WDR7: variants seen among roughly 807,000 people sequenced by gnomAD.
The protein encoded by WDR7 is WD repeat domain 7, also known as WD repeat-containing protein 7.
Under a neutral mutation model 169.4 loss-of-function variants are expected in WDR7, and 46 were observed. The ratio of observed to expected loss-of-function variants is 0.27; its 90% CI spans 0.21 to 0.35. The LOEUF is 0.35. Ranked by LOEUF, WDR7 falls within the 10% of genes least tolerant of loss-of-function variation. The pLI is 1.00. For synonymous variants in WDR7, 612 were observed against 666.8 expected (o/e 0.92, Z 1.27); for missense variants, 1,534 against 1,859.3 (o/e 0.83, Z 3.22).
chr18:56,745,621 G>A (rs573210699), intron 14 of WDR7, among the ~76,000 whole-genome samples: 1 of 152,120 alleles, frequency 6.6e-6, no homozygotes, highest in African/African-American at 2.4e-5. Flanking sequence ...CTTGCCCGCC[G>A]CTCAGCTCCT....
At chr18:56,728,685 T>C (rs2026516256) in intron 13 of WDR7, among the ~76,000 whole-genome samples, 2 of 152,162 alleles carry the variant, frequency 1.3e-5, no homozygotes, top group African/African-American at 2.4e-5. Context: ...GACTTCAACC[T>C]TCTGTGCCAG....
At chr18:56,664,319 G>C (rs554549088) in intron 1 of WDR7, among the ~76,000 whole-genome samples, 1 of 152,122 alleles carries the variant, frequency 6.6e-6, no homozygotes, top group Admixed American at 6.5e-5. Flanking sequence ...CCAAGTTAAA[G>C]ACCACAGATT....
At chr18:56,653,831 A>G (rs1389995120) in intron 1 of WDR7, among the ~76,000 whole-genome samples, 1 of 152,204 alleles carries the variant, frequency 6.6e-6, no homozygotes, top group Non-Finnish European at 1.5e-5. Context: ...TACAGATAAT[A>G]CTATGATAAG....
chr18:56,820,339 C>CAAA (rs386387798), intron 20 of WDR7, among the ~76,000 whole-genome samples: 11,234 of 42,162 alleles, frequency 0.27, 3,565 homozygotes, highest in Non-Finnish European at 0.31. Context: ...CTGACATTGT[C>CAAA]AAAAAAAAAA....
Position 56,698,195 on chromosome 18 carries a change from A to T in WDR7, c.1578+1733A>T, listed in dbSNP as rs1245970766. 4.8e-5 allele frequency among the ~76,000 whole-genome samples: 7 copies of T among 146,614 alleles called. No homozygotes were observed. In the East Asian group the frequency reaches 5.9e-4, roughly 12 times the overall value. On this transcript the variant is annotated intron_variant, in intron 12 of 27. Transcript: ENST00000254442. ...GGGCAACAGGAGCGAAACGCTGTTT[A>T]AAAAAAAAAAAGTTTGGAATGGCTT... is the stretch of plus-strand genomic sequence containing the variant.
At chr18:56,964,228 GAA>G (rs2047375379) in intron 26 of WDR7, among the ~76,000 whole-genome samples, 1 of 129,816 alleles carries the variant, frequency 7.7e-6, no homozygotes, top group Non-Finnish European at 1.7e-5. Flanking sequence ...AAAAAAAAAA[GAA>G]TATTTTTGAA....
intron 19 of WDR7, among the ~76,000 whole-genome samples, chr18:56,788,918 G>T (rs8095342): frequency 0.57 from 86,950 of 151,966 alleles, 26,186 homozygotes; most frequent in East Asian, 0.69. Flanking sequence ...ATATTGTGAG[G>T]CAGAAAGAGT....
chr18:56,975,765 G>A (rs757839439), intron 26 of WDR7, among the ~76,000 whole-genome samples: 2 of 152,140 alleles, frequency 1.3e-5, no homozygotes, highest in Non-Finnish European at 1.5e-5. Flanking sequence ...GTGGCACACC[G>A]GAGGGCACAT....
chr18:56,743,448 C>A (rs2043649946), intron 14 of WDR7, among the ~76,000 whole-genome samples: 1 of 152,016 alleles, frequency 6.6e-6, no homozygotes, highest in Non-Finnish European at 1.5e-5. Context: ...TGAGGAGAGC[C>A]AGGAGAATGG....
rs1169635046 is a variant in WDR7 at position 56,956,252 on chromosome 18, G to A, written c.4065-6178G>A. Reference sequence around the variant, plus strand: ...GGAAAACATTGCCCCACCCTCCACCGTTCATAGCCCCCAAAACTAACAACA... The same window carrying A: ...GGAAAACATTGCCCCACCCTCCACCATTCATAGCCCCCAAAACTAACAACA... On this transcript the variant is annotated intron_variant, in intron 25 of 27. Transcript: ENST00000254442. Among the ~76,000 whole-genome samples, 45 of 152,024 alleles carry A rather than the reference G, an allele frequency of 3.0e-4. 1 individual carries two copies. Among genetic ancestry groups the A allele is most frequent in the Admixed American group, 3.0e-3 (45 of 15,248 alleles).
At position 56,898,020 on chromosome 18, in the gene WDR7, A is replaced by G. The variant is rs376831576; in HGVS notation, c.3526+17855A>G. On this transcript the variant is annotated intron_variant, in intron 21 of 27. Coordinates refer to ENST00000254442, the MANE Select transcript of WDR7 (RefSeq NM_015285.3). ...AAGATGTTGGTTTTGAAATACCATTATCTAATAAAAGGAACTAGGACTCCT... is the reference window on the plus strand; with the variant it reads ...AAGATGTTGGTTTTGAAATACCATTGTCTAATAAAAGGAACTAGGACTCCT... Among the ~76,000 whole-genome samples the G allele has an allele frequency of 5.3e-5, 8 of 152,090 alleles. No homozygotes were observed. The South Asian group carries it at 1.7e-3, about 32-fold the overall frequency.
At chr18:56,885,060 C>T (rs1231653743) in intron 21 of WDR7, among the ~76,000 whole-genome samples, 4 of 152,136 alleles carry the variant, frequency 2.6e-5, no homozygotes, top group African/African-American at 9.7e-5. Flanking sequence ...GTTTGGCTCT[C>T]AGGAAGCCAC....
chr18:56,769,039 A>G (rs1214217003), intron 16 of WDR7, among the ~76,000 whole-genome samples: 4 of 152,224 alleles, frequency 2.6e-5, no homozygotes, highest in South Asian at 2.1e-4. Flanking sequence ...ATGTTTGTCA[A>G]TAATTAACAT....
At chr18:56,974,835 A>G (rs2047542416) in intron 26 of WDR7, among the ~76,000 whole-genome samples, 1 of 152,194 alleles carries the variant, frequency 6.6e-6, no homozygotes, top group Admixed American at 6.5e-5. Flanking sequence ...CAAAGATGAA[A>G]CAAATAAGTA....
chr18:56,731,338 ATGT>A (rs1568163342), intron 13 of WDR7, 42 bp from the exon 14 acceptor site: 3 of 1,586,278 alleles, frequency 1.9e-6, no homozygotes, highest in Non-Finnish European at 2.6e-6. Flanking sequence ...ACTATTCAAA[ATGT>A]TGTAGTGTTA....
chr18:56,831,391 G>T lies in WDR7; in HGVS notation c.3304+15247G>T, dbSNP rs540411265. 2.2e-4 allele frequency among the ~76,000 whole-genome samples: 33 copies of T among 152,254 alleles called. 1 individual carries two copies. In the South Asian group the frequency reaches 6.0e-3, roughly 28 times the overall value. On this transcript the variant is annotated intron_variant, in intron 20 of 27. Coordinates refer to ENST00000254442, the MANE Select transcript of WDR7 (RefSeq NM_015285.3). Reference sequence around the variant, plus strand: ...CTAGCTGGAATGAATAAAGAGTCTAGACCACTCTGACAATAGATGCTGAAA... The same window carrying T: ...CTAGCTGGAATGAATAAAGAGTCTATACCACTCTGACAATAGATGCTGAAA...
rs2048380631 is a variant in WDR7, at chr18:57,027,300, G to A, written c.*93G>A. 1.4e-6 allele frequency: 2 copies of A among 1,469,358 alleles called. No individual in the cohort carries two copies. Among genetic ancestry groups the A allele is most frequent in the African/African-American group, 1.4e-5 (1 of 71,822 alleles). The allele number at this position is 1,469,358 out of a possible 1,614,324, so 91.0% of individuals were successfully genotyped here. ...TTCCTCACACCAGATTGTTCCCAGG[G>A]GCCTGCCCACCCCAGTGCCATCCAG... On this transcript the variant is annotated 3_prime_UTR_variant, in exon 28 of 28. Coordinates refer to ENST00000254442, the MANE Select transcript of WDR7 (RefSeq NM_015285.3).
At chr18:56,873,360 G>C (rs983871177) in intron 20 of WDR7, among the ~76,000 whole-genome samples, 1 of 152,142 alleles carries the variant, frequency 6.6e-6, no homozygotes, top group Non-Finnish European at 1.5e-5. Context: ...CTTTCCATTA[G>C]CTTAGGGATA....
chr18:57,002,605 G>T (rs2047999990), intron 26 of WDR7, among the ~76,000 whole-genome samples: 1 of 152,188 alleles, frequency 6.6e-6, no homozygotes. Flanking sequence ...AAGATAACTT[G>T]TTGGCTGTCA....
Sources: allele counts gnomAD v4.1 joint callset (sites outside exome capture counted in the v4.1 genomes callset), GRCh38; gene constraint gnomAD v4.1.1; transcripts MANE v1.5; gene names NCBI Gene and HGNC (gene_info 2026-07-23, HGNC 2026-07-21).